The following CNTN5 variants were observed in gnomAD, a reference collection of about 807,000 sequenced individuals.
CNTN5 encodes contactin 5, also known as contactin-5.
CNTN5 carries 77 observed loss-of-function variants against 129.1 expected under a neutral mutation model. That is an observed-to-expected ratio of 0.60 (90% CI 0.50 to 0.72). CNTN5 has a LOEUF of 0.72. CNTN5 is among the 30% of genes least tolerant of loss of function. The pLI is 0.00. For synonymous variants in CNTN5, 509 were observed against 465.6 expected, an observed-to-expected ratio of 1.09 and a Z score of -1.20; for missense variants, 1,478 against 1,328.8, an observed-to-expected ratio of 1.11 and a Z score of -1.75.
At chr11:99,819,410 T>C in intron 3 of CNTN5, 134 bp from the exon 4 acceptor site, 1 of 623,676 alleles carries the variant, frequency 1.6e-6, no homozygotes, top group Non-Finnish European at 2.7e-6. Flanking sequence ...TTTTTCACAC[T>C]CTCACTGTAA....
intron 8 of CNTN5, among the ~76,000 whole-genome samples, chr11:99,982,661 G>A (rs1223254920): frequency 2.0e-5 from 3 of 152,048 alleles, no homozygotes; most frequent in Non-Finnish European, 2.9e-5. Context: ...ATTTTTTTGA[G>A]ATGGAGTCTG....
At chr11:99,022,752 T>C (rs1265463396) in intron 1 of CNTN5, among the ~76,000 whole-genome samples, 1 of 152,082 alleles carries the variant, frequency 6.6e-6, no homozygotes, top group Non-Finnish European at 1.5e-5. Flanking sequence ...ATTTGACAAA[T>C]AGCTGGAGTG....
intron 3 of CNTN5, among the ~76,000 whole-genome samples, chr11:99,762,070 G>A (rs1944600194): frequency 1.0e-5 from 1 of 100,356 alleles, no homozygotes; most frequent in Non-Finnish European, 2.2e-5. Context: ...CTTCTTTTGA[G>A]AAGTGTCTGT....
At chr11:99,842,033 T>C (rs1947523106) in intron 4 of CNTN5, among the ~76,000 whole-genome samples, 1 of 151,786 alleles carries the variant, frequency 6.6e-6, no homozygotes, top group South Asian at 2.1e-4. Flanking sequence ...ATTACAGGCA[T>C]GCACCCCACG....
chr11:99,455,033 T>C (rs928765275), intron 2 of CNTN5, among the ~76,000 whole-genome samples: 6 of 152,040 alleles, frequency 3.9e-5, no homozygotes, highest in East Asian at 1.9e-4. Context: ...AAGGGATGAG[T>C]GGTTTTTCTT....
At chr11:99,840,622 G>C (rs1223475346) in intron 4 of CNTN5, among the ~76,000 whole-genome samples, 1 of 151,978 alleles carries the variant, frequency 6.6e-6, no homozygotes, top group African/African-American at 2.4e-5. Flanking sequence ...TTGTTAATAA[G>C]AGATCTGATA....
intron 13 of CNTN5, among the ~76,000 whole-genome samples, chr11:100,117,954 T>C (rs1176198601): frequency 6.6e-6 from 1 of 151,854 alleles, no homozygotes; most frequent in East Asian, 1.9e-4. Flanking sequence ...GATACTGATT[T>C]GGCCTGTGTA....
At chr11:100,179,754 G>A (rs1447575334) in intron 13 of CNTN5, among the ~76,000 whole-genome samples, 1 of 151,898 alleles carries the variant, frequency 6.6e-6, no homozygotes, top group Admixed American at 6.6e-5. Context: ...TTTATCCATT[G>A]CTAAGCCAGA....
chr11:100,006,801 T>A (rs1188214946), intron 9 of CNTN5, among the ~76,000 whole-genome samples: 1 of 152,144 alleles, frequency 6.6e-6, no homozygotes, highest in Non-Finnish European at 1.5e-5. Context: ...CTAGAAGGTT[T>A]ACAATTTACT....
chr11:99,091,851 A>T (rs1288094650), intron 1 of CNTN5, among the ~76,000 whole-genome samples: 1 of 152,214 alleles, frequency 6.6e-6, no homozygotes, highest in Non-Finnish European at 1.5e-5. Flanking sequence ...AAAAAGCCAA[A>T]GCAAAATGGA....
chr11:100,002,255 A>C, intron 9 of CNTN5, 119 bp downstream of exon 9: 1 of 598,630 alleles, frequency 1.7e-6, no homozygotes. Flanking sequence ...GTGGCTATTT[A>C]TTTTCTAAAA....
chr11:99,831,550 G>A (rs2135611614), intron 4 of CNTN5, among the ~76,000 whole-genome samples: 1 of 152,170 alleles, frequency 6.6e-6, no homozygotes, highest in African/African-American at 2.4e-5. Flanking sequence ...CAGATGTAAT[G>A]GTATCACCAA....
intron 13 of CNTN5, among the ~76,000 whole-genome samples, chr11:100,097,739 T>C (rs896311560): frequency 3.3e-5 from 5 of 152,090 alleles, no homozygotes; most frequent in African/African-American, 1.2e-4. Context: ...ATAATAAATG[T>C]TGTGTTTCTT....
chr11:100,007,000 T>C (rs1276926708), intron 9 of CNTN5, among the ~76,000 whole-genome samples: 1 of 152,124 alleles, frequency 6.6e-6, no homozygotes, highest in East Asian at 1.9e-4. Context: ...ATCAGAACTC[T>C]TGGGTAATGA....
At chr11:100,246,294 A>G (rs1489916333) in intron 16 of CNTN5, among the ~76,000 whole-genome samples, 1 of 152,172 alleles carries the variant, frequency 6.6e-6, no homozygotes, top group Non-Finnish European at 1.5e-5. Flanking sequence ...TTCTCTTTAT[A>G]AAATGCAAGG....
chr11:99,774,006 C>T (rs1347420516), intron 3 of CNTN5, among the ~76,000 whole-genome samples: 1 of 152,128 alleles, frequency 6.6e-6, no homozygotes, highest in South Asian at 2.1e-4. Flanking sequence ...TTCCATTCAT[C>T]TCTCAAAACC....
chr11:99,576,480 T>C (rs1310598750), intron 3 of CNTN5, among the ~76,000 whole-genome samples: 1 of 152,182 alleles, frequency 6.6e-6, no homozygotes, highest in Non-Finnish European at 1.5e-5. Flanking sequence ...ATGTTTTTCT[T>C]TCAGTAAAAA....
At chr11:99,146,563 G>A (rs907768119) in intron 1 of CNTN5, among the ~76,000 whole-genome samples, 2 of 152,058 alleles carry the variant, frequency 1.3e-5, no homozygotes, top group Non-Finnish European at 2.9e-5. Context: ...AGAAGTTAGG[G>A]TTCTAAACAC....
At chr11:100,014,374 A>AT (rs929283119) in intron 9 of CNTN5, among the ~76,000 whole-genome samples, 7 of 151,836 alleles carry the variant, frequency 4.6e-5, no homozygotes, top group Non-Finnish European at 1.0e-4. Flanking sequence ...ATTTTATTCT[A>AT]TTTTTCACAA....
Sources: gnomAD v4.1 joint callset for allele counts (sites outside exome capture counted in the v4.1 genomes callset) on GRCh38, gnomAD v4.1.1 for gene constraint, MANE v1.5 for transcripts, NCBI Gene and HGNC (gene_info 2026-07-23, HGNC 2026-07-21) for gene names.